WDFY4: variants seen among roughly 807,000 people sequenced by gnomAD.
The protein encoded by WDFY4 is WD repeat- and FYVE domain-containing protein 4.
WDFY4 carries 169 observed loss-of-function variants against 351.9 expected under a neutral mutation model. The ratio of observed to expected loss-of-function variants is 0.48; its 90% CI spans 0.42 to 0.55. WDFY4 has a LOEUF of 0.55. WDFY4 is among the 20% of genes least tolerant of loss of function. The pLI is 0.00. For synonymous variants in WDFY4, 1,622 were observed against 1,574.6 expected (o/e 1.03, Z -0.71); for missense variants, 3,803 against 3,935.6 (o/e 0.97, Z 0.90).
chr10:48,810,730 T>G lies in WDFY4; in HGVS notation c.5039T>G (p.Val1680Gly). The change falls in exon 29 of 62, where the codon GTA (valine) becomes GGA (glycine). Residue 1680 changes from valine (V) to glycine (G), a missense_variant. Coordinates refer to ENST00000325239, the MANE Select transcript of WDFY4 (RefSeq NM_001394531.1). ...VERSTEGVDI[V>G]MDNLKSQSPL... is the part of the protein sequence containing the mutation. ...CGCAGCACTGAGGGCGTGGATATTG[T>G]AATGGGTGAGCACGTGGCTGTCTCC... The G allele has an allele frequency of 6.5e-7, 1 of 1,532,318 alleles. No individual in the cohort carries two copies. Among genetic ancestry groups the G allele is most frequent in the East Asian group, 2.5e-5 (1 of 40,662 alleles). The allele number at this position is 1,532,318 out of a possible 1,614,324, so 94.9% of individuals were successfully genotyped here.
chr10:48,913,561 AC>A, intron 47 of WDFY4: 1 of 1,614,028 alleles, frequency 6.2e-7, no homozygotes, highest in East Asian at 2.2e-5. Flanking sequence ...TCCACAACAT[AC>A]AAGTTCTCCA....
chr10:48,888,481 G>C (rs74513429), intron 43 of WDFY4, among the ~76,000 whole-genome samples: 7 of 151,928 alleles, frequency 4.6e-5, no homozygotes, highest in African/African-American at 1.7e-4. Context: ...AACACAACGG[G>C]GCACCCTCCT....
chr10:48,787,524 T>C (rs1254568674), intron 20 of WDFY4, among the ~76,000 whole-genome samples: 1 of 152,214 alleles, frequency 6.6e-6, no homozygotes, highest in Non-Finnish European at 1.5e-5. Context: ...TACTAGCACA[T>C]TGGGTATCAT....
intron 57 of WDFY4, among the ~76,000 whole-genome samples, chr10:48,971,964 T>C (rs1001136923): frequency 4.6e-5 from 7 of 152,180 alleles, no homozygotes; most frequent in Non-Finnish European, 2.9e-5. Flanking sequence ...CACCTGACCC[T>C]GGGGCTGGCC....
At chr10:48,928,276 G>GTAAAGAGGA (rs1564498246) in intron 47 of WDFY4, among the ~76,000 whole-genome samples, 1 of 151,928 alleles carries the variant, frequency 6.6e-6, no homozygotes, top group African/African-American at 2.4e-5. Context: ...CTGAACTCCT[G>GTAAAGAGGA]TAAAGAGGAT....
At chr10:48,737,432 A>G (rs1288484450) in intron 11 of WDFY4, among the ~76,000 whole-genome samples, 2 of 152,222 alleles carry the variant, frequency 1.3e-5, no homozygotes, top group African/African-American at 2.4e-5. Flanking sequence ...GCCTATCTCT[A>G]TGCAAAACCT....
chr10:48,943,541 A>C (rs1840891917), intron 49 of WDFY4, 92 bp downstream of exon 49: 1 of 1,357,766 alleles, frequency 7.4e-7, no homozygotes, highest in Non-Finnish European at 9.8e-7. Flanking sequence ...CTCTGCTAGG[A>C]GGTTCCGTCA....
Position 48,771,596 on chromosome 10 carries a change from C to G in WDFY4, c.2554-2862C>G, listed in dbSNP as rs1292022714. 2.0e-5 allele frequency among the ~76,000 whole-genome samples: 3 copies of G among 152,224 alleles called. No homozygotes were observed. In the East Asian group the frequency reaches 5.8e-4, roughly 29 times the overall value. ...TCACAGTAGATGCCAGGCCTTGAGT[C>G]CCTTCTAACTTCAAGAGCCTTGTGA... On this transcript the variant is annotated intron_variant, in intron 13 of 61. Coordinates refer to ENST00000325239, the MANE Select transcript of WDFY4 (RefSeq NM_001394531.1).
At chr10:48,869,453 G>T (rs746037092) in intron 40 of WDFY4, among the ~76,000 whole-genome samples, 1 of 152,178 alleles carries the variant, frequency 6.6e-6, no homozygotes, top group East Asian at 1.9e-4. Context: ...AGGCATCATT[G>T]CCTAGTGCCC....
intron 1 of WDFY4, among the ~76,000 whole-genome samples, chr10:48,704,742 T>A (rs1565110368): frequency 6.6e-6 from 1 of 152,176 alleles, no homozygotes; most frequent in Non-Finnish European, 1.5e-5. Context: ...TCTGCTCTGG[T>A]CACCGACTGG....
chr10:48,802,340 C>A (rs75059369), intron 24 of WDFY4, among the ~76,000 whole-genome samples: 4 of 152,122 alleles, frequency 2.6e-5, no homozygotes, highest in Non-Finnish European at 5.9e-5. Flanking sequence ...TGGGCCACTG[C>A]GCTCCAGCTT....
intron 15 of WDFY4, among the ~76,000 whole-genome samples, chr10:48,776,403 T>C (rs1292817917): frequency 6.6e-6 from 1 of 152,056 alleles, no homozygotes; most frequent in Non-Finnish European, 1.5e-5. Flanking sequence ...TGAAGGAAAG[T>C]GTGGGCTTTG....
At chr10:48,720,918 T>C (rs2064063877) in intron 3 of WDFY4, among the ~76,000 whole-genome samples, 1 of 151,858 alleles carries the variant, frequency 6.6e-6, no homozygotes, top group Non-Finnish European at 1.5e-5. Context: ...ATTTCAGGAA[T>C]TCTTGCAGCA....
chr10:48,922,951 C>G (rs1473543232), intron 47 of WDFY4, among the ~76,000 whole-genome samples: 1 of 152,102 alleles, frequency 6.6e-6, no homozygotes, highest in Non-Finnish European at 1.5e-5. Flanking sequence ...CTGCCTGCAC[C>G]CTGACAGTGA....
chr10:48,721,678 G>T (rs1020706586), intron 4 of WDFY4, among the ~76,000 whole-genome samples: 2 of 152,130 alleles, frequency 1.3e-5, no homozygotes, highest in East Asian at 1.9e-4. Context: ...ATTGATAACG[G>T]CTGATGTTTA....
intron 12 of WDFY4, among the ~76,000 whole-genome samples, chr10:48,747,975 C>T (rs75994831): frequency 0.023 from 3,471 of 152,310 alleles, 137 homozygotes; most frequent in African/African-American, 0.079. Flanking sequence ...CTTAGCTGCC[C>T]TTTCCAAGCC....
chr10:48,971,457 C>A (rs1290512597), intron 57 of WDFY4, among the ~76,000 whole-genome samples: 1 of 151,382 alleles, frequency 6.6e-6, no homozygotes, highest in Non-Finnish European at 1.5e-5. Context: ...GATTGCGCCA[C>A]TACACTCCAG....
intron 11 of WDFY4, among the ~76,000 whole-genome samples, chr10:48,741,226 G>A (rs938281403): frequency 1.9e-4 from 29 of 152,076 alleles, no homozygotes; most frequent in Non-Finnish European, 3.5e-4. Context: ...CAGGTTTCCT[G>A]TAGTGGAATA....
chr10:48,697,278 C>A (rs1003434312), intron 1 of WDFY4, among the ~76,000 whole-genome samples: 2 of 152,192 alleles, frequency 1.3e-5, no homozygotes, highest in South Asian at 4.1e-4. Context: ...GCTCCCTTCC[C>A]GACCTGCTTT....
Sources: allele counts gnomAD v4.1 joint callset (sites outside exome capture counted in the v4.1 genomes callset), GRCh38; gene constraint gnomAD v4.1.1; transcripts MANE v1.5; gene names NCBI Gene and HGNC (gene_info 2026-07-23, HGNC 2026-07-21).